Variants in ARHGAP25 observed in about 807,000 individuals in gnomAD.
ARHGAP25 encodes Rho GTPase activating protein 25.
Under a neutral mutation model 71.0 loss-of-function variants are expected in ARHGAP25, and 34 were observed. The ratio of observed to expected loss-of-function variants is 0.48; its 90% CI spans 0.36 to 0.64. The LOEUF (loss-of-function observed/expected upper bound fraction) is 0.64. ARHGAP25 is among the 30% of genes least tolerant of loss of function. ARHGAP25 has a pLI of 0.00. For missense variants in ARHGAP25, 706 were observed against 805.1 expected, an observed-to-expected ratio of 0.88 and a Z score of 1.49; for synonymous variants, 282 against 296.5, an observed-to-expected ratio of 0.95 and a Z score of 0.50.
intron 1 of ARHGAP25, among the ~76,000 whole-genome samples, chr2:68,771,318 C>G (rs4068866): frequency 1.3e-5 from 2 of 152,206 alleles, no homozygotes; most frequent in Admixed American, 1.3e-4. Flanking sequence ...AACCCTCCGC[C>G]TGGTTCAGAC....
intron 2 of ARHGAP25, among the ~76,000 whole-genome samples, chr2:68,716,666 A>G (rs974444619): frequency 1.3e-5 from 2 of 152,250 alleles, no homozygotes; most frequent in African/African-American, 2.4e-5. Flanking sequence ...ATGTATATAC[A>G]TCGTTTTATT....
rs1012502211 is a variant in ARHGAP25, at chr2:68,767,121, C to T, written c.62-8100C>T. 1.3e-5 allele frequency among the ~76,000 whole-genome samples: 2 copies of T among 152,116 alleles called. No individual in the cohort carries two copies. On this transcript the variant is annotated intron_variant, in intron 1 of 10. Transcript: ENST00000409202. The surrounding 1 kb of genome is among the most constrained non-coding windows in gnomAD (Gnocchi z 4.6). ...CAAGGGTGAGTGCCCTGGGAAGACC[C>T]GTGTGGTTTAATTTCAGGGTACAGA...
intron 5 of ARHGAP25, among the ~76,000 whole-genome samples, chr2:68,807,965 T>G (rs2103630438): frequency 6.6e-6 from 1 of 152,352 alleles, no homozygotes; most frequent in East Asian, 1.9e-4. Context: ...ATCACAGTAC[T>G]ACGTGATTCT....
intron 2 of ARHGAP25, among the ~76,000 whole-genome samples, chr2:68,712,325 G>T (rs1385051010): frequency 1.3e-5 from 2 of 152,156 alleles, no homozygotes; most frequent in Non-Finnish European, 2.9e-5. Context: ...TTTGATAAGT[G>T]TCTGTTCATA....
intron 4 of ARHGAP25, among the ~76,000 whole-genome samples, chr2:68,795,624 A>T (rs1679483805): frequency 6.6e-6 from 1 of 152,138 alleles, no homozygotes; most frequent in Non-Finnish European, 1.5e-5. Flanking sequence ...GTGGTCTGAG[A>T]AGATACTTGA....
chr2:68,735,765 A>G (rs1419450317), intron 1 of ARHGAP25, among the ~76,000 whole-genome samples: 3 of 152,178 alleles, frequency 2.0e-5, no homozygotes, highest in Admixed American at 6.5e-5. Context: ...ACTAAAGTAT[A>G]ATAAAGACCT....
At chr2:68,750,765 C>T (rs1676121275) in intron 1 of ARHGAP25, among the ~76,000 whole-genome samples, 1 of 152,116 alleles carries the variant, frequency 6.6e-6, no homozygotes, top group Non-Finnish European at 1.5e-5. Flanking sequence ...TGTGATTCTG[C>T]AGATGTCAGG....
chr2:68,719,249 C>T (rs1674693246), intron 2 of ARHGAP25, among the ~76,000 whole-genome samples: 1 of 151,984 alleles, frequency 6.6e-6, no homozygotes, highest in African/African-American at 2.4e-5. Context: ...CAGTTTATGG[C>T]CAGTCTGTTA....
At chr2:68,816,223 T>C (rs757808336) in intron 6 of ARHGAP25, 66 bp from the exon 7 acceptor site, 6 of 1,344,576 alleles carry the variant, frequency 4.5e-6, no homozygotes, top group Admixed American at 3.4e-5. Flanking sequence ...TCCCAGGGTC[T>C]CCTTGCTGGC....
chr2:68,777,113 T>A lies in ARHGAP25; in HGVS notation c.261+1693T>A, dbSNP rs561367038. On this transcript the variant is annotated intron_variant, in intron 2 of 10. Transcript: ENST00000409202. ...CTTCTCTTTATAAACACCCCAGACC[T>A]TATTAAAGCCAAGCAATTCCAGGCT... 1.6e-4 allele frequency among the ~76,000 whole-genome samples: 24 copies of A among 152,200 alleles called. 1 individual carries two copies. Among genetic ancestry groups the A allele is most frequent in the African/African-American group, 5.1e-4 (21 of 41,526 alleles).
chr2:68,775,163 C>T (rs1396811595), intron 1 of ARHGAP25, 58 bp from the exon 2 acceptor site: 10 of 1,614,006 alleles, frequency 6.2e-6, no homozygotes, highest in Middle Eastern at 3.3e-4. Context: ...TCTCCGCCCA[C>T]TCTTTGCTCA....
At chr2:68,730,901 C>G (rs570202749), upstream of ARHGAP25, among the ~76,000 whole-genome samples, 1 of 152,102 alleles carries the variant, frequency 6.6e-6, no homozygotes, top group African/African-American at 2.4e-5. Context: ...TCTCATGGGT[C>G]GCCTTTCCTG....
chr2:68,774,495 T>C lies in ARHGAP25; in HGVS notation c.62-726T>C, dbSNP rs375511710. On this transcript the variant is annotated intron_variant, in intron 1 of 10. Transcript: ENST00000409202. Reference sequence around the variant, plus strand: ...TTCTGAGTTCTATTGGCAGTGACGATCTAACTGTAAAGGTCATAGGAAGGC... The same window carrying C: ...TTCTGAGTTCTATTGGCAGTGACGACCTAACTGTAAAGGTCATAGGAAGGC... Among the ~76,000 whole-genome samples, 8 of 152,304 alleles carry C rather than the reference T, an allele frequency of 5.3e-5. No individual in the cohort carries two copies. The South Asian group carries it at 1.0e-3, about 20-fold the overall frequency.
intron 2 of ARHGAP25, among the ~76,000 whole-genome samples, chr2:68,727,376 A>G (rs1042794896): frequency 6.6e-6 from 1 of 152,202 alleles, no homozygotes; most frequent in African/African-American, 2.4e-5. Flanking sequence ...TATTAGAAGG[A>G]AAATATCAAT....
At chr2:68,745,666 A>T (rs1342678912) in intron 1 of ARHGAP25, among the ~76,000 whole-genome samples, 1 of 152,216 alleles carries the variant, frequency 6.6e-6, no homozygotes, top group African/African-American at 2.4e-5. Flanking sequence ...GTGGGCACTC[A>T]ACAGAGCCAG....
chr2:68,729,964 A>G (rs1469442184), upstream of ARHGAP25, among the ~76,000 whole-genome samples: 1 of 152,264 alleles, frequency 6.6e-6, no homozygotes, highest in Non-Finnish European at 1.5e-5. Flanking sequence ...AAATTTATGC[A>G]TATCTCCAAT....
intron 1 of ARHGAP25, among the ~76,000 whole-genome samples, chr2:68,743,465 C>T (rs75603169): frequency 0.012 from 1,875 of 152,198 alleles, 37 homozygotes; most frequent in African/African-American, 0.043. Flanking sequence ...ATGAGGCTCC[C>T]GCCTTTCTTG....
intron 4 of ARHGAP25, 68 bp downstream of exon 4, chr2:68,788,024 A>G (rs1045608081): frequency 2.4e-6 from 3 of 1,228,302 alleles, no homozygotes; most frequent in Admixed American, 1.7e-5. Context: ...AGTAGCTCCA[A>G]TGTGATAGCT....
At chr2:68,747,407 A>G (rs973352645) in intron 1 of ARHGAP25, among the ~76,000 whole-genome samples, 1 of 152,192 alleles carries the variant, frequency 6.6e-6, no homozygotes, top group Admixed American at 6.5e-5. Flanking sequence ...TAGTGACAGC[A>G]AAGCATTACA....
Sources: allele counts gnomAD v4.1 joint callset (sites outside exome capture counted in the v4.1 genomes callset), GRCh38; gene constraint gnomAD v4.1.1; non-coding constraint Gnocchi (gnomAD v3.1); transcripts MANE v1.5; gene names NCBI Gene and HGNC (gene_info 2026-07-23, HGNC 2026-07-21).